Variants in CSMD3 observed in about 807,000 individuals in gnomAD.
CSMD3 encodes CUB and Sushi multiple domains 3, also known as CUB and sushi domain-containing protein 3.
CSMD3 carries 177 observed loss-of-function variants against 435.2 expected under a neutral mutation model. The ratio of observed to expected loss-of-function variants is 0.41; its 90% CI spans 0.36 to 0.46. The LOEUF (loss-of-function observed/expected upper bound fraction) is 0.46. CSMD3 is among the 20% of genes least tolerant of loss of function. The probability of loss-of-function intolerance (pLI) is 0.34; values close to 1 mark genes in which losing one functional copy is unlikely to be tolerated. For missense variants in CSMD3, 4,265 were observed against 4,504.6 expected (o/e 0.95, Z 1.52); for synonymous variants, 1,656 against 1,520.5 (o/e 1.09, Z -2.07).
intron 6 of CSMD3, among the ~76,000 whole-genome samples, chr8:113,001,411 GTTTA>G: frequency 6.6e-6 from 1 of 152,144 alleles, no homozygotes; most frequent in East Asian, 1.9e-4. Context: ...CAGGGCCTTT[GTTTA>G]TTCCGATTAG....
chr8:113,202,011 C>T (rs1221844610), intron 3 of CSMD3, among the ~76,000 whole-genome samples: 1 of 151,918 alleles, frequency 6.6e-6, no homozygotes, highest in Non-Finnish European at 1.5e-5. Flanking sequence ...AACAGAGCCA[C>T]AAAGCTGGAG....
chr8:112,897,741 C>A (rs2081993137), intron 10 of CSMD3, among the ~76,000 whole-genome samples: 1 of 134,210 alleles, frequency 7.5e-6, no homozygotes, highest in Admixed American at 7.4e-5. Flanking sequence ...TAGGGGAAGT[C>A]GTGGTAAGAA....
chr8:112,998,834 A>G (rs2085752229), intron 6 of CSMD3, among the ~76,000 whole-genome samples: 1 of 151,846 alleles, frequency 6.6e-6, no homozygotes, highest in Admixed American at 6.6e-5. Context: ...TTAAAAGTGT[A>G]TAGCACCTCC....
In CSMD3 at chr8:112,769,246, C is replaced by T. The variant is rs1038424028; in HGVS notation, c.1972+30916G>A. On this transcript the variant is annotated intron_variant, in intron 13 of 70. Coordinates refer to ENST00000297405, the MANE Select transcript of CSMD3 (RefSeq NM_198123.2). ...AGTGATCTCTGGAAAATATAAAACA[C>T]ATAATCACTTTTCTGCTCAAAACCC... Among the ~76,000 whole-genome samples the T allele has an allele frequency of 4.6e-5, 7 of 151,844 alleles. No homozygotes were observed. In the South Asian group the frequency reaches 1.5e-3, roughly 31 times the overall value.
At chr8:112,621,551 A>G (rs1834072825) in intron 22 of CSMD3, among the ~76,000 whole-genome samples, 1 of 152,048 alleles carries the variant, frequency 6.6e-6, no homozygotes, top group Non-Finnish European at 1.5e-5. Flanking sequence ...AAGGTCACCA[A>G]TGGTTTCCTT....
At chr8:113,220,985 G>C (rs1324615486) in intron 3 of CSMD3, among the ~76,000 whole-genome samples, 1 of 151,278 alleles carries the variant, frequency 6.6e-6, no homozygotes, top group Non-Finnish European at 1.5e-5. Flanking sequence ...TCTTTTAAAA[G>C]AGCAAGGAAT....
At chr8:112,494,986 C>T (rs1380899000) in intron 30 of CSMD3, among the ~76,000 whole-genome samples, 1 of 152,090 alleles carries the variant, frequency 6.6e-6, no homozygotes, top group African/African-American at 2.4e-5. Flanking sequence ...TATACTCAAG[C>T]TGCTCTGTAA....
At chr8:113,347,131 T>C (rs557122275) in intron 1 of CSMD3, among the ~76,000 whole-genome samples, 2 of 152,158 alleles carry the variant, frequency 1.3e-5, no homozygotes, top group South Asian at 2.1e-4. Flanking sequence ...AATAAATAAA[T>C]CTTTGCAAGA....
At position 113,128,862 on chromosome 8, in the gene CSMD3, G is replaced by A. The variant is rs192646402; in HGVS notation, c.710-29899C>T. ...GTGCTAAGCGAATACAGTTTTTGAG[G>A]CATCGAGAAAAAGTCAACTAAATGG... On this transcript the variant is annotated intron_variant, in intron 4 of 70. Transcript: ENST00000297405. 1.1e-4 allele frequency among the ~76,000 whole-genome samples: 17 copies of A among 152,118 alleles called. 1 individual carries two copies. The South Asian group carries it at 3.1e-3, about 28-fold the overall frequency.
chr8:113,364,007 A>G (rs1183536059), intron 1 of CSMD3, among the ~76,000 whole-genome samples: 3 of 152,156 alleles, frequency 2.0e-5, no homozygotes, highest in Admixed American at 2.0e-4. Context: ...TGTGTTTCAC[A>G]TTTAGTTCTA....
At chr8:112,505,443 C>T (rs1233582068) in intron 29 of CSMD3, among the ~76,000 whole-genome samples, 3 of 152,100 alleles carry the variant, frequency 2.0e-5, no homozygotes, top group Non-Finnish European at 2.9e-5. Flanking sequence ...ATGGTAATTA[C>T]AACTTCCTTT....
chr8:112,370,555 C>T (rs541352734), intron 38 of CSMD3, among the ~76,000 whole-genome samples: 4 of 152,220 alleles, frequency 2.6e-5, no homozygotes, highest in African/African-American at 4.8e-5. Context: ...ACTTCTGTTT[C>T]GTGGTATTGG....
intron 3 of CSMD3, among the ~76,000 whole-genome samples, chr8:113,249,119 T>A (rs2093309902): frequency 6.6e-6 from 1 of 152,014 alleles, no homozygotes; most frequent in South Asian, 2.1e-4. Context: ...ATATGGGGAA[T>A]TCCCCTGCAC....
chr8:112,859,750 TA>T (rs556086727), intron 10 of CSMD3, among the ~76,000 whole-genome samples: 41 of 146,180 alleles, frequency 2.8e-4, no homozygotes, highest in East Asian at 7.9e-4. Context: ...GAACTCAGAC[TA>T]AAAAAAAAAG....
At chr8:112,502,118 C>A (rs920388316) in intron 30 of CSMD3, among the ~76,000 whole-genome samples, 1 of 152,136 alleles carries the variant, frequency 6.6e-6, no homozygotes, top group Admixed American at 6.5e-5. Context: ...GCCTACATGG[C>A]CAGCTAGCCA....
At chr8:112,887,142 A>G (rs1426836568) in intron 10 of CSMD3, among the ~76,000 whole-genome samples, 1 of 151,378 alleles carries the variant, frequency 6.6e-6, no homozygotes, top group East Asian at 2.0e-4. Flanking sequence ...TTATACAGTT[A>G]AAGCTCACCT....
chr8:112,747,187 T>C (rs995655519), intron 13 of CSMD3, among the ~76,000 whole-genome samples: 1 of 55,578 alleles, frequency 1.8e-5, no homozygotes, highest in African/African-American at 5.6e-5. Flanking sequence ...ACTTCCCTTT[T>C]TTTTTTTTTT....
At chr8:112,958,358 T>C (rs1189721228) in intron 7 of CSMD3, among the ~76,000 whole-genome samples, 1 of 152,174 alleles carries the variant, frequency 6.6e-6, no homozygotes, top group Non-Finnish European at 1.5e-5. Flanking sequence ...TTTTGTTTAG[T>C]GTAATAGAAA....
At chr8:112,549,096 A>G (rs1010252180) in intron 27 of CSMD3, among the ~76,000 whole-genome samples, 1 of 152,080 alleles carries the variant, frequency 6.6e-6, no homozygotes, top group African/African-American at 2.4e-5. Context: ...ACACCTTTCC[A>G]TATTACTGTA....
Sources: allele counts gnomAD v4.1 joint callset (sites outside exome capture counted in the v4.1 genomes callset), GRCh38; gene constraint gnomAD v4.1.1; transcripts MANE v1.5; gene names NCBI Gene and HGNC (gene_info 2026-07-23, HGNC 2026-07-21).